Variants in CPNE8 observed in about 807,000 individuals in gnomAD.
CPNE8 encodes the protein copine 8.
A neutral mutation model predicts 81.5 loss-of-function variants in CPNE8; 45 were observed. That is an observed-to-expected ratio of 0.55 (90% CI 0.44 to 0.71). The LOEUF is 0.71. Among genes scored for constraint, CPNE8 ranks in the 30% least tolerant of loss-of-function variants. The pLI, the probability that CPNE8 is intolerant of heterozygous loss-of-function variation, is 0.00. For missense variants in CPNE8, 594 were observed against 672.1 expected, an observed-to-expected ratio of 0.88 and a Z score of 1.28; for synonymous variants, 252 against 226.3, an observed-to-expected ratio of 1.11 and a Z score of -1.02.
chr12:38,768,122 A>T (rs188158464), intron 7 of CPNE8, among the ~76,000 whole-genome samples: 1 of 151,626 alleles, frequency 6.6e-6, no homozygotes, highest in Non-Finnish European at 1.5e-5. Context: ...TATTTACTAA[A>T]TTTTTACTAC....
intron 8 of CPNE8, among the ~76,000 whole-genome samples, chr12:38,766,157 C>A (rs1941683575): frequency 6.6e-6 from 1 of 152,060 alleles, no homozygotes; most frequent in Non-Finnish European, 1.5e-5. Flanking sequence ...CGCGCCTGGC[C>A]GTGAACATCA....
chr12:38,792,233 T>C (rs1421395998), intron 6 of CPNE8, among the ~76,000 whole-genome samples: 1 of 148,978 alleles, frequency 6.7e-6, no homozygotes, highest in Non-Finnish European at 1.5e-5. Context: ...GTAATAAAAT[T>C]TAGAGCACAC....
intron 11 of CPNE8, among the ~76,000 whole-genome samples, chr12:38,729,295 C>A (rs1271356636): frequency 6.6e-6 from 1 of 151,974 alleles, no homozygotes; most frequent in Non-Finnish European, 1.5e-5. Context: ...TAAACTAATG[C>A]ATAATCTTTG....
At chr12:38,700,190 T>C (rs1471103489) in intron 14 of CPNE8, among the ~76,000 whole-genome samples, 4 of 152,062 alleles carry the variant, frequency 2.6e-5, no homozygotes, top group Non-Finnish European at 5.9e-5. Context: ...AGTATCATGT[T>C]ATTTGTGGAC....
chr12:38,779,557 C>T (rs564829138), intron 6 of CPNE8, among the ~76,000 whole-genome samples: 1 of 152,222 alleles, frequency 6.6e-6, no homozygotes, highest in Non-Finnish European at 1.5e-5. Flanking sequence ...GGCTTGCTGT[C>T]TTAATTGACA....
intron 7 of CPNE8, among the ~76,000 whole-genome samples, chr12:38,768,128 A>G (rs1941728823): frequency 6.6e-6 from 1 of 151,648 alleles, no homozygotes; most frequent in Non-Finnish European, 1.5e-5. Flanking sequence ...CTAAATTTTT[A>G]CTACATATCT....
In CPNE8 at chr12:38,761,464, A is replaced by G. The variant is rs192502791; in HGVS notation, c.681-576T>C. 1.5e-3 allele frequency among the ~76,000 whole-genome samples: 221 copies of G among 152,346 alleles called. 1 individual carries two copies. The highest frequency in any genetic ancestry group is 5.1e-3 in the African/African-American group (214 of 41,586). On this transcript the variant is annotated intron_variant, in intron 9 of 19. Coordinates refer to ENST00000331366, the MANE Select transcript of CPNE8 (RefSeq NM_153634.3). ...ATAAAGATATGATCTTATTAAATGA[A>G]AAGAATGATAGTCAAGTGGCATGAT...
rs566116159 is a variant in CPNE8 at position 38,853,073 on chromosome 12, A to C, written c.187-4411T>G. ...ACTGGAAATAATAAGAAATCTACAGATATGTTATGACTAGTTCAGCTTATG... is the reference window on the plus strand; with the variant it reads ...ACTGGAAATAATAAGAAATCTACAGCTATGTTATGACTAGTTCAGCTTATG... On this transcript the variant is annotated intron_variant, in intron 3 of 19. Coordinates refer to ENST00000331366, the MANE Select transcript of CPNE8 (RefSeq NM_153634.3). Among the ~76,000 whole-genome samples the C allele has an allele frequency of 2.2e-3, 333 of 152,286 alleles. 1 individual carries two copies. Among genetic ancestry groups the C allele is most frequent in the Middle Eastern group, 3.4e-3 (1 of 294 alleles).
At chr12:38,811,520 TA>T (rs1055971739) in intron 6 of CPNE8, among the ~76,000 whole-genome samples, 2 of 151,878 alleles carry the variant, frequency 1.3e-5, no homozygotes, top group East Asian at 3.9e-4. Flanking sequence ...TTAAGAAACA[TA>T]AAAAAAGTCA....
At chr12:38,774,209 G>T (rs1366678774) in intron 7 of CPNE8, among the ~76,000 whole-genome samples, 6 of 151,940 alleles carry the variant, frequency 3.9e-5, no homozygotes, top group African/African-American at 1.4e-4. Flanking sequence ...TTGGTATCTT[G>T]GCTCTACTTT....
rs148901434 is a variant in CPNE8, at chr12:38,714,939, T to C, written c.914+8833A>G. Among the ~76,000 whole-genome samples, 617 of 152,200 alleles carry C rather than the reference T, an allele frequency of 4.1e-3. 2 individuals are homozygous for C. Among genetic ancestry groups the C allele is most frequent in the Middle Eastern group, 0.017 (5 of 294 alleles). On this transcript the variant is annotated intron_variant, in intron 13 of 19. Transcript: ENST00000331366. ...GAACCAGGCCTAAAAATAAGTTCCT[T>C]TGAAGGAAAAGATATTAAAAGGCTA...
At chr12:38,667,221 C>T (rs1939076033) in intron 19 of CPNE8, among the ~76,000 whole-genome samples, 1 of 152,054 alleles carries the variant, frequency 6.6e-6, no homozygotes, top group East Asian at 1.9e-4. Context: ...GTAAGACAGC[C>T]TAAATAGACC....
rs1281999582 is a variant in CPNE8 at position 38,873,792 on chromosome 12, C to T, written c.139+679G>A. Among the ~76,000 whole-genome samples the T allele has an allele frequency of 3.3e-5, 5 of 152,276 alleles. No individual in the cohort carries two copies. The East Asian group carries it at 7.7e-4, about 23-fold the overall frequency. On this transcript the variant is annotated intron_variant, in intron 2 of 19. Coordinates refer to ENST00000331366, the MANE Select transcript of CPNE8 (RefSeq NM_153634.3). ...AGATTCGGAAACACATTGATTTATA[C>T]AGTTCATTCTGCTGTTTTCTAATTC...
chr12:38,702,135 C>T (rs1214369814), intron 14 of CPNE8, among the ~76,000 whole-genome samples: 1 of 151,718 alleles, frequency 6.6e-6, no homozygotes, highest in Non-Finnish European at 1.5e-5. Context: ...AGACAATAAG[C>T]CATTTGAAAG....
intron 1 of CPNE8, among the ~76,000 whole-genome samples, chr12:38,883,692 A>T (rs1944196817): frequency 6.6e-6 from 1 of 152,204 alleles, no homozygotes; most frequent in Non-Finnish European, 1.5e-5. Context: ...GTTACCAAGA[A>T]AGCAAGTCTC....
rs562579717 is a variant in CPNE8 at position 38,864,282 on chromosome 12, G to T, written c.186+8722C>A. On this transcript the variant is annotated intron_variant, in intron 3 of 19. Coordinates refer to ENST00000331366, the MANE Select transcript of CPNE8 (RefSeq NM_153634.3). ...CCTGCTGCTGGTTTTTGTAAGTTAA[G>T]TTTCACTGAAGCATAGTCCCATCAT... Among the ~76,000 whole-genome samples, 9 of 152,192 alleles carry T rather than the reference G, an allele frequency of 5.9e-5. No homozygotes were observed. In the East Asian group the frequency reaches 1.7e-3, roughly 29 times the overall value.
chr12:38,761,309 G>T (rs1473122070), intron 9 of CPNE8, among the ~76,000 whole-genome samples: 1 of 152,116 alleles, frequency 6.6e-6, no homozygotes, highest in Non-Finnish European at 1.5e-5. Flanking sequence ...GGTCTGGATT[G>T]GGGCCACATA....
intron 19 of CPNE8, among the ~76,000 whole-genome samples, chr12:38,668,631 C>T (rs1939108781): frequency 1.3e-5 from 2 of 152,082 alleles, no homozygotes; most frequent in African/African-American, 2.4e-5. Context: ...TACTTCCATG[C>T]AGTAATTCAA....
At chr12:38,682,124 G>A (rs7294397) in intron 16 of CPNE8, among the ~76,000 whole-genome samples, 95,206 of 152,040 alleles carry the variant, frequency 0.63, 36,670 homozygotes, top group Non-Finnish European at 0.87. Context: ...GGAGGCTGAG[G>A]CACAAGAATT....
Sources: gnomAD v4.1 joint callset for allele counts (sites outside exome capture counted in the v4.1 genomes callset) on GRCh38, gnomAD v4.1.1 for gene constraint, MANE v1.5 for transcripts, NCBI Gene and HGNC (gene_info 2026-07-23, HGNC 2026-07-21) for gene names.